Variants in SLFN12L observed in about 807,000 individuals in gnomAD.
The protein encoded by SLFN12L is schlafen family member 12 like, also known as schlafen family member 12-like.
A neutral mutation model predicts 34.8 loss-of-function variants in SLFN12L; 34 were observed. The ratio of observed to expected loss-of-function variants is 0.98; its 90% CI spans 0.74 to 1.30. The LOEUF is 1.30. Among genes scored for constraint, SLFN12L ranks in the 50% most tolerant of loss-of-function variants. The probability of loss-of-function intolerance (pLI) is 0.00; values close to 1 mark genes in which losing one functional copy is unlikely to be tolerated. For missense variants in SLFN12L, 703 were observed against 696.2 expected, an observed-to-expected ratio of 1.01 and a Z score of -0.11; for synonymous variants, 259 against 247.5, an observed-to-expected ratio of 1.05 and a Z score of -0.44.
rs780213570 is a variant in SLFN12L, at chr17:35,531,926, A to T, written c.-606+5647T>A. On this transcript the variant is annotated intron_variant, in intron 1 of 4. Transcript: ENST00000628453. ...CTGGGATTATAGGTGTGAGCCACCC[A>T]GCCCGGCCTGACAACTCTCTTCTAC... Among the ~76,000 whole-genome samples, 4 of 151,964 alleles carry T rather than the reference A, an allele frequency of 2.6e-5. No individual in the cohort carries two copies. In the East Asian group the frequency reaches 7.7e-4, roughly 29 times the overall value.
At chr17:35,500,815 C>G (rs1915268963) in intron 2 of SLFN12L, among the ~76,000 whole-genome samples, 1 of 152,118 alleles carries the variant, frequency 6.6e-6, no homozygotes, top group Admixed American at 6.5e-5. Context: ...CTGTGAAAAT[C>G]CCCTGTGCTG....
intron 2 of SLFN12L, among the ~76,000 whole-genome samples, chr17:35,482,132 T>C (rs1054281465): frequency 2.0e-5 from 3 of 152,190 alleles, no homozygotes; most frequent in African/African-American, 4.8e-5. Flanking sequence ...TCCCAAAGTT[T>C]TGGGATTACA....
At chr17:35,520,692 G>A (rs1915971194) in intron 2 of SLFN12L, among the ~76,000 whole-genome samples, 1 of 151,908 alleles carries the variant, frequency 6.6e-6, no homozygotes, top group Admixed American at 6.6e-5. Context: ...GTTGCAGTGA[G>A]CCGAGATCAT....
intron 1 of SLFN12L, among the ~76,000 whole-genome samples, chr17:35,536,331 A>G (rs144896763): frequency 2.8e-4 from 43 of 152,336 alleles, no homozygotes; most frequent in African/African-American, 1.0e-3. Context: ...AGTCACATGT[A>G]AAAACACAGC....
At chr17:35,505,692 T>C (rs1915444993) in intron 2 of SLFN12L, among the ~76,000 whole-genome samples, 1 of 152,148 alleles carries the variant, frequency 6.6e-6, no homozygotes, top group South Asian at 2.1e-4. Flanking sequence ...AGACCACCCT[T>C]GAACAGTAGA....
intron 2 of SLFN12L, among the ~76,000 whole-genome samples, chr17:35,504,798 T>A (rs1166729709): frequency 6.6e-6 from 1 of 152,314 alleles, no homozygotes; most frequent in African/African-American, 2.4e-5. Flanking sequence ...AGGGATGCAA[T>A]GAGCTTAAGA....
intron 4 of SLFN12L, 148 bp downstream of exon 4, chr17:35,477,927 G>T: frequency 1.8e-6 from 1 of 560,086 alleles, no homozygotes; most frequent in Non-Finnish European, 3.1e-6. Flanking sequence ...AATAGAATTT[G>T]ACAAATTCAA....
intron 2 of SLFN12L, among the ~76,000 whole-genome samples, chr17:35,503,574 A>G (rs1490334543): frequency 6.6e-6 from 1 of 152,180 alleles, no homozygotes; most frequent in Non-Finnish European, 1.5e-5. Context: ...TCTAAAAACT[A>G]ATAAAAAATA....
intron 4 of SLFN12L, among the ~76,000 whole-genome samples, chr17:35,476,450 AAAGCAAGGAAGGAAGG>A (rs1914009057): frequency 1.6e-5 from 2 of 126,506 alleles, no homozygotes; most frequent in African/African-American, 6.0e-5. Flanking sequence ...GAAAGAAAAG[AAAGCAAGGAAGGAAGG>A]AAGGAAGGAA....
At chr17:35,495,947 A>AC (rs1567665553) in intron 2 of SLFN12L, among the ~76,000 whole-genome samples, 54 of 143,068 alleles carry the variant, frequency 3.8e-4, no homozygotes, top group African/African-American at 1.2e-3. Flanking sequence ...ACACACACAC[A>AC]ACAAAACGCC....
intron 2 of SLFN12L, chr17:35,490,666 G>T: frequency 1.0e-6 from 1 of 1,002,460 alleles, no homozygotes; most frequent in Non-Finnish European, 1.6e-6. Context: ...CTGCACGCTG[G>T]ACCTCAAACT....
At chr17:35,488,437 T>C (rs1914697149) in intron 2 of SLFN12L, among the ~76,000 whole-genome samples, 1 of 152,220 alleles carries the variant, frequency 6.6e-6, no homozygotes, top group Non-Finnish European at 1.5e-5. Flanking sequence ...TCTTGCGGCC[T>C]TCTAGGCCAA....
intron 2 of SLFN12L, chr17:35,490,686 G>A (rs570884488): frequency 7.0e-6 from 8 of 1,142,948 alleles, no homozygotes; most frequent in Admixed American, 6.8e-5. Context: ...TATTAACCGA[G>A]GATTCAGATC....
At chr17:35,507,045 C>T (rs942923520) in intron 2 of SLFN12L, among the ~76,000 whole-genome samples, 20 of 152,300 alleles carry the variant, frequency 1.3e-4, no homozygotes, top group African/African-American at 4.6e-4. Context: ...CAGAGTCCCA[C>T]CAGGACTGGA....
At chr17:35,524,342 A>G (rs918613234) in intron 1 of SLFN12L, among the ~76,000 whole-genome samples, 15 of 152,230 alleles carry the variant, frequency 9.9e-5, no homozygotes, top group African/African-American at 3.6e-4. Context: ...TAAAGAGAGC[A>G]GCAGATCTCC....
intron 2 of SLFN12L, among the ~76,000 whole-genome samples, chr17:35,494,880 ATTTATTTAT>A (rs1014464616): frequency 2.1e-5 from 3 of 140,454 alleles, no homozygotes; most frequent in African/African-American, 7.8e-5. Context: ...AATTTTATTA[ATTTATTTAT>A]TTTATTTATT....
Position 35,479,527 on chromosome 17 carries a change from G to A in SLFN12L, c.755C>T (p.Ser252Leu), listed in dbSNP as rs12451679. The A allele has an allele frequency of 0.042, 67,028 of 1,614,052 alleles. 1,961 individuals are homozygous for A. Among genetic ancestry groups the A allele is most frequent in the East Asian group, 0.18 (8,252 of 44,872 alleles). ...AATTCGTTGTAACAACTTTTCAGTCGAGAAGTTTTTTATTTCAACGTGTGT... is the reference window on the plus strand; with the variant it reads ...AATTCGTTGTAACAACTTTTCAGTCAAGAAGTTTTTTATTTCAACGTGTGT... ...ESTHVEIKNF[S>L]TEKLLQRITE... is the part of the protein sequence containing the mutation. The change falls in exon 3 of 5, where the codon TCG (serine) becomes TTG (leucine). Residue 252 changes from serine to leucine, a missense_variant. Transcript: ENST00000628453.
At chr17:35,494,818 T>C (rs1043495269) in intron 2 of SLFN12L, among the ~76,000 whole-genome samples, 2 of 152,188 alleles carry the variant, frequency 1.3e-5, no homozygotes, top group East Asian at 1.9e-4. Context: ...CAGAGTTGGA[T>C]CCTGTCTTTA....
intron 2 of SLFN12L, among the ~76,000 whole-genome samples, chr17:35,486,751 G>C (rs1032780877): frequency 6.6e-6 from 1 of 152,146 alleles, no homozygotes; most frequent in African/African-American, 2.4e-5. Context: ...AATTCTATCA[G>C]ACCTGAACTC....
Sources: gnomAD v4.1 joint callset for allele counts (sites outside exome capture counted in the v4.1 genomes callset) on GRCh38, gnomAD v4.1.1 for gene constraint, MANE v1.5 for transcripts, NCBI Gene and HGNC (gene_info 2026-07-23, HGNC 2026-07-21) for gene names.